PRKD1: variants seen among roughly 807,000 people sequenced by gnomAD.
PRKD1 encodes protein kinase D1, also known as serine/threonine-protein kinase D1.
In PRKD1, 63 loss-of-function variants were observed where a neutral mutation model predicts 95.9. The ratio of observed to expected loss-of-function variants is 0.66; its 90% CI spans 0.54 to 0.81. PRKD1 has a LOEUF of 0.81. Among genes scored for constraint, PRKD1 ranks in the 30% least tolerant of loss-of-function variants. The pLI is 0.00. For missense variants in PRKD1, 1,048 were observed against 1,165.3 expected (o/e 0.90, Z 1.47); for synonymous variants, 425 against 423.1 (o/e 1.00, Z -0.05).
intron 16 of PRKD1, among the ~76,000 whole-genome samples, chr14:29,583,330 T>G (rs1892809595): frequency 6.6e-6 from 1 of 152,098 alleles, no homozygotes; most frequent in Non-Finnish European, 1.5e-5. Flanking sequence ...GTAGGGGAAA[T>G]GAGAATCCTT....
At chr14:29,732,723 T>C (rs1381586926) in intron 1 of PRKD1, among the ~76,000 whole-genome samples, 1 of 152,150 alleles carries the variant, frequency 6.6e-6, no homozygotes, top group Admixed American at 6.5e-5. Context: ...TTTTGTTGTA[T>C]ATAGAGTTGT....
intron 15 of PRKD1, 118 bp from the exon 16 acceptor site, chr14:29,597,876 A>G (rs1893367436): frequency 9.2e-7 from 1 of 1,089,314 alleles, no homozygotes; most frequent in Non-Finnish European, 1.3e-6. Flanking sequence ...ACATTAAATG[A>G]TATGGATTTC....
At chr14:29,630,208 T>A (rs952317632) in intron 10 of PRKD1, among the ~76,000 whole-genome samples, 2 of 152,082 alleles carry the variant, frequency 1.3e-5, no homozygotes, top group African/African-American at 4.8e-5. Context: ...GGCTTGATCT[T>A]GGCTCACTGC....
At chr14:29,827,000 C>G (rs1594555324) in intron 1 of PRKD1, among the ~76,000 whole-genome samples, 1 of 150,046 alleles carries the variant, frequency 6.7e-6, no homozygotes, top group Non-Finnish European at 1.5e-5. Flanking sequence ...ATCATATGTT[C>G]TCACTCATAA....
In PRKD1 at chr14:29,752,838, G is replaced by A. The variant is rs1406875620; in HGVS notation, c.265-27164C>T. Among the ~76,000 whole-genome samples, 3 of 152,020 alleles carry A rather than the reference G, an allele frequency of 2.0e-5. No individual in the cohort carries two copies. In the East Asian group the frequency reaches 5.8e-4, roughly 29 times the overall value. On this transcript the variant is annotated intron_variant, in intron 1 of 17. Transcript: ENST00000331968. ...TAGAAACGAACTTTTCTGATTTCCT[G>A]TTTTTTCATAACCTTTACTTTCTGT...
At chr14:29,804,009 A>G (rs1047400089) in intron 1 of PRKD1, among the ~76,000 whole-genome samples, 2 of 152,088 alleles carry the variant, frequency 1.3e-5, no homozygotes, top group Non-Finnish European at 2.9e-5. Context: ...TGGGAGGCCG[A>G]GGGGGGCGGA....
intron 1 of PRKD1, among the ~76,000 whole-genome samples, chr14:29,879,991 C>T (rs1893443136): frequency 6.6e-6 from 1 of 152,078 alleles, no homozygotes; most frequent in Admixed American, 6.6e-5. Flanking sequence ...AAAAGGGAAG[C>T]AGAGCATAAA....
intron 1 of PRKD1, among the ~76,000 whole-genome samples, chr14:29,890,060 T>C (rs945920944): frequency 1.1e-4 from 16 of 152,208 alleles, no homozygotes; most frequent in Non-Finnish European, 2.4e-4. Context: ...TAATTACACA[T>C]ATGCATTTCT....
chr14:29,752,053 T>C (rs1202656162), intron 1 of PRKD1, among the ~76,000 whole-genome samples: 1 of 152,166 alleles, frequency 6.6e-6, no homozygotes, highest in Non-Finnish European at 1.5e-5. Flanking sequence ...TTAACATAAA[T>C]AAAATTATCA....
At chr14:29,811,284 C>T (rs999609370) in intron 1 of PRKD1, among the ~76,000 whole-genome samples, 4 of 152,166 alleles carry the variant, frequency 2.6e-5, no homozygotes, top group Admixed American at 2.0e-4. Context: ...GTTCTACCCC[C>T]ACATGCGCAC....
chr14:29,584,689 C>T (rs1474399814), intron 16 of PRKD1, among the ~76,000 whole-genome samples: 2 of 152,028 alleles, frequency 1.3e-5, no homozygotes, highest in Non-Finnish European at 2.9e-5. Flanking sequence ...AGTTTCAATA[C>T]CCATATTGTA....
rs34838604 is a variant in PRKD1 at position 29,654,094 on chromosome 14, A to T, written c.696+9605T>A. ...CTTTTGAATAACTATTTTTTTTTTT[A>T]AAAAAGCAGTATAACCTATTTGGAT... On this transcript the variant is annotated intron_variant, in intron 4 of 17. Coordinates refer to ENST00000331968, the MANE Select transcript of PRKD1 (RefSeq NM_002742.3). 9.0e-4 allele frequency among the ~76,000 whole-genome samples: 134 copies of T among 148,582 alleles called. 1 individual carries two copies. The highest frequency in any genetic ancestry group is 3.4e-3 in the Middle Eastern group (1 of 292).
At chr14:29,681,019 G>A (rs1177304905) in intron 2 of PRKD1, among the ~76,000 whole-genome samples, 1 of 152,154 alleles carries the variant, frequency 6.6e-6, no homozygotes, top group East Asian at 1.9e-4. Context: ...AGTTACAGAC[G>A]CTTGTAAAAG....
At chr14:29,731,644 T>C (rs1282816308) in intron 1 of PRKD1, among the ~76,000 whole-genome samples, 1 of 152,214 alleles carries the variant, frequency 6.6e-6, no homozygotes, top group Non-Finnish European at 1.5e-5. Flanking sequence ...TGAAACTTGG[T>C]ACATTTTCTT....
At chr14:29,710,219 C>A (rs1200307862) in intron 2 of PRKD1, among the ~76,000 whole-genome samples, 1 of 152,054 alleles carries the variant, frequency 6.6e-6, no homozygotes, top group Non-Finnish European at 1.5e-5. Flanking sequence ...GAGGGTGGAG[C>A]TTTTCTTCCC....
At chr14:29,834,076 T>C (rs959993497) in intron 1 of PRKD1, among the ~76,000 whole-genome samples, 3 of 152,170 alleles carry the variant, frequency 2.0e-5, no homozygotes, top group African/African-American at 7.2e-5. Flanking sequence ...AAAGTAATTA[T>C]ATGAATTTTA....
chr14:29,788,500 T>C (rs1594519884), intron 1 of PRKD1, among the ~76,000 whole-genome samples: 1 of 152,226 alleles, frequency 6.6e-6, no homozygotes, highest in African/African-American at 2.4e-5. Flanking sequence ...TTTTGTTAAA[T>C]AGGTTTTCTA....
At chr14:29,735,973 T>C (rs562549129) in intron 1 of PRKD1, among the ~76,000 whole-genome samples, 1 of 152,342 alleles carries the variant, frequency 6.6e-6, no homozygotes, top group East Asian at 1.9e-4. Flanking sequence ...TTAAACACTA[T>C]ATTTTTCAAT....
rs750421913 is a variant in PRKD1, at chr14:29,663,776, C to T, written c.619G>A (p.Val207Ile). Residue 207 changes from valine to isoleucine, a missense_variant, in exon 4 of 18, where the codon GTT becomes ATT. Around this residue, in one of 3 missense-constraint regions of PRKD1, gnomAD observed 275 missense variants for 248.6 expected, o/e 1.11. Transcript: ENST00000331968. ...ATGGTGCTGACCCCAGTGAGGGAAA[C>T]GTTTGAGAGCCTTCTCCGCCTCACA... Reference protein sequence around the residue: ...SGVRRRRLSNVSLTGVSTIRT... With the variant: ...SGVRRRRLSNISLTGVSTIRT... 88 of 1,613,882 alleles carry T rather than the reference C, an allele frequency of 5.5e-5. No individual in the cohort carries two copies. Among genetic ancestry groups the T allele is most frequent in the Non-Finnish European group, 7.2e-5 (85 of 1,179,956 alleles).
Sources: allele counts gnomAD v4.1 joint callset (sites outside exome capture counted in the v4.1 genomes callset), GRCh38; gene constraint gnomAD v4.1.1; regional missense constraint gnomAD v4.1.1; transcripts MANE v1.5; gene names NCBI Gene and HGNC (gene_info 2026-07-23, HGNC 2026-07-21).